The following AACS variants were observed in gnomAD, a reference collection of about 807,000 sequenced individuals.
AACS encodes the protein acetoacetate-CoA ligase.
AACS carries 69 observed loss-of-function variants against 83.1 expected under a neutral mutation model. That is an observed-to-expected ratio of 0.83 (90% CI 0.68 to 1.01). The LOEUF is 1.01. AACS is among the 50% of genes least tolerant of loss of function. AACS has a pLI of 0.00. For synonymous variants in AACS, 333 were observed against 343.4 expected (o/e 0.97, Z 0.33); for missense variants, 866 against 882.2 (o/e 0.98, Z 0.23).
chr12:125,142,480 G>T lies in AACS; in HGVS notation c.*251G>T, dbSNP rs1364886548. 2 of 525,374 alleles carry T rather than the reference G, an allele frequency of 3.8e-6. No homozygotes were observed. Among genetic ancestry groups the T allele is most frequent in the Non-Finnish European group, 6.8e-6 (2 of 294,718 alleles). 32.5% of individuals were successfully genotyped at this position (525,374 alleles called of 1,614,324 possible). A position where few individuals can be genotyped will look rare whatever the true frequency, so the allele number is the denominator to read the frequency against. ...CCGCAGGTGTGGCACTGTGGTGAGAGTGTGTGTCTTTGCACACACAGTGCA... is the reference window on the plus strand; with the variant it reads ...CCGCAGGTGTGGCACTGTGGTGAGATTGTGTGTCTTTGCACACACAGTGCA... On this transcript the variant is annotated 3_prime_UTR_variant, in exon 18 of 18. Coordinates refer to ENST00000316519, the MANE Select transcript of AACS (RefSeq NM_023928.5).
At chr12:125,072,879 G>T (rs1250189201) in intron 1 of AACS, among the ~76,000 whole-genome samples, 1 of 148,448 alleles carries the variant, frequency 6.7e-6, no homozygotes, top group Non-Finnish European at 1.5e-5. Flanking sequence ...TTAGACTGTT[G>T]TGGAATAAAA....
intron 8 of AACS, among the ~76,000 whole-genome samples, chr12:125,107,856 G>A (rs548604401): frequency 2.0e-5 from 3 of 152,260 alleles, no homozygotes; most frequent in South Asian, 2.1e-4. Flanking sequence ...TGAGCTACTC[G>A]GGAGGCTGAA....
chr12:125,114,449 C>G, intron 8 of AACS, 28 bp from the exon 9 acceptor site: 1 of 1,604,278 alleles, frequency 6.2e-7, no homozygotes, highest in Non-Finnish European at 8.5e-7. Context: ...TAACAGAGAG[C>G]ACCCGCTCCC....
rs1594575091 is a variant in AACS at position 125,076,622 on chromosome 12, A to G, written c.358+11A>G. On this transcript the variant is annotated intron_variant, in intron 3 of 17. Transcript: ENST00000316519. The stretch of plus-strand genomic sequence containing the variant: ...CCCTTTACATTGCAAGTAAGTCCTG[A>G]TGGCGAGACCTGGGATTTCCTCCGT... The G allele has an allele frequency of 6.2e-7, 1 of 1,613,804 alleles. No homozygotes were observed. The highest frequency in any genetic ancestry group is 2.2e-5 in the East Asian group (1 of 44,870).
At chr12:125,073,165 T>C (rs1486334055) in intron 1 of AACS, among the ~76,000 whole-genome samples, 3 of 152,066 alleles carry the variant, frequency 2.0e-5, no homozygotes, top group African/African-American at 7.2e-5. Context: ...CCTGACCTGG[T>C]GATCCACCTG....
intron 4 of AACS, among the ~76,000 whole-genome samples, chr12:125,086,861 TGCTG>T (rs1956350735): frequency 6.6e-6 from 1 of 151,892 alleles, no homozygotes; most frequent in South Asian, 2.1e-4. Flanking sequence ...AATACGGGCT[TGCTG>T]GAGGGAGGAA....
chr12:125,112,455 C>A (rs1342538955), intron 8 of AACS, among the ~76,000 whole-genome samples: 1 of 151,868 alleles, frequency 6.6e-6, no homozygotes, highest in Non-Finnish European at 1.5e-5. Context: ...CCAAGGTGGG[C>A]AGATCACAAG....
At chr12:125,135,165 C>T (rs968486496) in intron 16 of AACS, among the ~76,000 whole-genome samples, 9 of 150,696 alleles carry the variant, frequency 6.0e-5, no homozygotes, top group African/African-American at 2.0e-4. Context: ...GACAGAGTCT[C>T]GCTGTGTCAC....
chr12:125,093,103 GC>G (rs1592963768), intron 5 of AACS, among the ~76,000 whole-genome samples: 1 of 152,244 alleles, frequency 6.6e-6, no homozygotes, highest in East Asian at 1.9e-4. Flanking sequence ...GACCCTCCAG[GC>G]CAGCCCAGTA....
rs760758593 is a variant in AACS at position 125,142,217 on chromosome 12, G to T, written c.2007G>T (p.Leu669=). The T allele has an allele frequency of 2.5e-6, 4 of 1,613,918 alleles. No homozygotes were observed. Among genetic ancestry groups the T allele is most frequent in the African/African-American group, 2.7e-5 (2 of 74,902 alleles). ...ATCTGTACCGGGACATCCCTGAGCT[G>T]CAGGGCTTCTGAGTCAGACTGGCTG... is the stretch of plus-strand genomic sequence containing the variant. The part of the protein sequence containing the change: ...TLDLYRDIPE[L]QGF The change falls in exon 18 of 18, where the codon CTG becomes CTT. Residue 669 remains leucine, a synonymous_variant. Coordinates refer to ENST00000316519, the MANE Select transcript of AACS (RefSeq NM_023928.5).
chr12:125,139,668 C>G (rs1053136068), intron 17 of AACS: 1 of 152,358 alleles, frequency 6.6e-6, no homozygotes, highest in Non-Finnish European at 1.5e-5. Flanking sequence ...GTGCAAAAGT[C>G]AGAGAGGCTT....
At chr12:125,120,626 GGGAGGCAGGCACTGGGTCGGGGGTTACT>G (rs922781216) in intron 10 of AACS, 9 of 152,088 alleles carry the variant, frequency 5.9e-5, no homozygotes, top group African/African-American at 2.2e-4. Context: ...TGGTGTGTCG[GGGAGGCAGGCACTGGGTCGGGGGTTACT>G]GGAGGAGGGG....
Position 125,142,446 on chromosome 12 carries a change from G to A in AACS, c.*217G>A. 3.2e-6 allele frequency: 2 copies of A among 621,250 alleles called. No individual in the cohort carries two copies. Among genetic ancestry groups the A allele is most frequent in the Non-Finnish European group, 5.4e-6 (2 of 367,136 alleles). The allele number at this position is 621,250 out of a possible 1,614,324, so 38.5% of individuals were successfully genotyped here. ...TCTGGCCTTCAGAGACCAGGAGGGA[G>A]TGTCTGGGCCGCAGGTGTGGCACTG... On this transcript the variant is annotated 3_prime_UTR_variant, in exon 18 of 18. Transcript: ENST00000316519.
In AACS at chr12:125,098,201, G is replaced by T. The variant is rs189223797; in HGVS notation, c.571-4478G>T. On this transcript the variant is annotated intron_variant, in intron 5 of 17. Transcript: ENST00000316519. ...TCCCAGCACTTTGGGAGGCAGAGGC[G>T]GATGGATCACTTGAATCCCGGAGTT... 6.6e-5 allele frequency among the ~76,000 whole-genome samples: 10 copies of T among 152,074 alleles called. 1 individual carries two copies. The highest frequency in any genetic ancestry group is 2.4e-4 in the African/African-American group (10 of 41,476).
chr12:125,111,784 A>G (rs1452133466), intron 8 of AACS, among the ~76,000 whole-genome samples: 1 of 152,212 alleles, frequency 6.6e-6, no homozygotes, highest in Non-Finnish European at 1.5e-5. Context: ...GACCCAGGAA[A>G]CTGTTTATGC....
chr12:125,077,006 C>T (rs1956040962), intron 3 of AACS, among the ~76,000 whole-genome samples: 1 of 151,636 alleles, frequency 6.6e-6, no homozygotes, highest in South Asian at 2.1e-4. Flanking sequence ...CTCCCAGGCT[C>T]AAGCAATCCT....
chr12:125,097,545 A>T lies in AACS; in HGVS notation c.571-5134A>T, dbSNP rs1276624911. Among the ~76,000 whole-genome samples, 1 of 152,034 alleles carries T rather than the reference A, an allele frequency of 6.6e-6. No individual in the cohort carries two copies. The highest frequency in any genetic ancestry group is 1.9e-4 in the East Asian group (1 of 5,182). On this transcript the variant is annotated intron_variant, in intron 5 of 17. Coordinates refer to ENST00000316519, the MANE Select transcript of AACS (RefSeq NM_023928.5). The surrounding 1 kb of genome is among the most constrained non-coding windows in gnomAD (Gnocchi z 4.3). ...CGCCGTGAACTTTGCTGAGGGGCAG[A>T]GGAAGTGGCGGGAGTAGAGAGAAGC...
At chr12:125,093,945 G>A (rs1480347955) in intron 5 of AACS, among the ~76,000 whole-genome samples, 1 of 152,204 alleles carries the variant, frequency 6.6e-6, no homozygotes, top group Admixed American at 6.5e-5. Flanking sequence ...AGCGTGGGAG[G>A]GCCTGCGTGG....
intron 5 of AACS, among the ~76,000 whole-genome samples, chr12:125,099,423 T>C (rs1471685517): frequency 6.6e-6 from 1 of 152,250 alleles, no homozygotes; most frequent in Non-Finnish European, 1.5e-5. Flanking sequence ...TCTTGAGAAG[T>C]CATCCATTCT....
Sources: gnomAD v4.1 joint callset for allele counts (sites outside exome capture counted in the v4.1 genomes callset) on GRCh38, gnomAD v4.1.1 for gene constraint, Gnocchi (gnomAD v3.1) non-coding constraint, MANE v1.5 for transcripts, NCBI Gene and HGNC (gene_info 2026-07-23, HGNC 2026-07-21) for gene names.